The following CTNNA2 variants were observed in gnomAD, a reference collection of about 807,000 sequenced individuals.
The protein encoded by CTNNA2 is catenin alpha 2.
In CTNNA2, 42 loss-of-function variants were observed where a neutral mutation model predicts 101.0. The ratio of observed to expected loss-of-function variants is 0.42; its 90% confidence interval spans 0.32 to 0.54. The LOEUF (loss-of-function observed/expected upper bound fraction) is 0.54. Among genes scored for constraint, CTNNA2 ranks in the 20% least tolerant of loss-of-function variants. The probability of loss-of-function intolerance (pLI) is 0.14; values close to 1 mark genes in which losing one functional copy is unlikely to be tolerated. For missense variants in CTNNA2, 871 were observed against 1,223.1 expected (o/e 0.71, Z 4.29); for synonymous variants, 450 against 456.4 (o/e 0.99, Z 0.18).
At chr2:79,996,413 C>T (rs191320613) in intron 7 of CTNNA2, among the ~76,000 whole-genome samples, 1 of 152,200 alleles carries the variant, frequency 6.6e-6, no homozygotes, top group Non-Finnish European at 1.5e-5. Context: ...GATTTGAGAT[C>T]CATGAGAAGT....
intron 16 of CTNNA2, chr2:80,605,209 A>G: frequency 6.6e-6 from 1 of 151,954 alleles, no homozygotes; most frequent in East Asian, 1.9e-4. Flanking sequence ...TTGAATTGGA[A>G]CTTTAAAATC....
intron 2 of CTNNA2, among the ~76,000 whole-genome samples, chr2:79,274,154 CATGTAATTTTAG>C (rs1266134179): frequency 6.6e-6 from 1 of 151,942 alleles, no homozygotes; most frequent in Non-Finnish European, 1.5e-5. Context: ...TCTGATATTT[CATGTAATTTTAG>C]ATGTGTAAGA....
intron 15 of CTNNA2, among the ~76,000 whole-genome samples, chr2:80,590,185 AAAG>A (rs1265853452): frequency 6.6e-6 from 1 of 152,158 alleles, no homozygotes; most frequent in Non-Finnish European, 1.5e-5. Context: ...CTCTTCTTTA[AAAG>A]AAGATGATAT....
chr2:79,801,583 C>CA (rs561235902), intron 3 of CTNNA2, among the ~76,000 whole-genome samples: 10 of 151,736 alleles, frequency 6.6e-5, no homozygotes, highest in African/African-American at 2.4e-4. Context: ...GCAGTGCATA[C>CA]GGGGGCTCAC....
chr2:80,203,112 C>G (rs1358885784), intron 7 of CTNNA2, among the ~76,000 whole-genome samples: 1 of 152,174 alleles, frequency 6.6e-6, no homozygotes, highest in Non-Finnish European at 1.5e-5. Flanking sequence ...CATCTCCCAC[C>G]TGGTCCCTCC....
rs1169037145 is a variant in CTNNA2, at chr2:79,712,823, A to G, written c.103-31564A>G. The stretch of plus-strand genomic sequence containing the variant: ...ACCATACTTGTTTTTGAAATTTGAA[A>G]GAATTTGTGGATGCAGTCTTAAGGA... On this transcript the variant is annotated intron_variant, in intron 2 of 18. Coordinates refer to ENST00000402739, the MANE Select transcript of CTNNA2 (RefSeq NM_001282597.3). 2.0e-5 allele frequency among the ~76,000 whole-genome samples: 3 copies of G among 152,230 alleles called. No individual in the cohort carries two copies. In the East Asian group the frequency reaches 5.8e-4, roughly 29 times the overall value.
chr2:80,013,349 ACT>A (rs1693916731), intron 7 of CTNNA2, among the ~76,000 whole-genome samples: 2 of 152,084 alleles, frequency 1.3e-5, no homozygotes, highest in Admixed American at 1.3e-4. Flanking sequence ...GGAATATAAC[ACT>A]CTTTCCTGAG....
chr2:80,454,131 G>A (rs1465548470), intron 9 of CTNNA2, among the ~76,000 whole-genome samples: 1 of 152,120 alleles, frequency 6.6e-6, no homozygotes, highest in Admixed American at 6.5e-5. Context: ...AAGGCAAAGC[G>A]ACATAGTTTA....
In CTNNA2 at chr2:79,238,507, G is replaced by A. The variant is rs551009067; in HGVS notation, c.-406+40431G>A. 2.2e-4 allele frequency among the ~76,000 whole-genome samples: 34 copies of A among 152,328 alleles called. 1 individual carries two copies. The South Asian group carries it at 3.5e-3, about 16-fold the overall frequency. On this transcript the variant is annotated intron_variant, in intron 2 of 21. Transcript: ENST00000466387. ...CTCTTGGGAAAAAATGGCACCAATAGACTTGCTTGATTCAGGATTGCCATA... is the reference window on the plus strand; with the variant it reads ...CTCTTGGGAAAAAATGGCACCAATAAACTTGCTTGATTCAGGATTGCCATA...
At chr2:79,655,868 T>C (rs961451944) in intron 2 of CTNNA2, among the ~76,000 whole-genome samples, 7 of 151,986 alleles carry the variant, frequency 4.6e-5, no homozygotes, top group Admixed American at 3.9e-4. Flanking sequence ...TACCTTTTAG[T>C]CCAGTTATCT....
chr2:80,443,699 C>T (rs150977632), intron 9 of CTNNA2, among the ~76,000 whole-genome samples: 1 of 152,296 alleles, frequency 6.6e-6, no homozygotes, highest in Non-Finnish European at 1.5e-5. Flanking sequence ...TTTTTCTCAT[C>T]TGTATAAAAG....
chr2:80,306,416 CTT>C (rs1439379550), intron 7 of CTNNA2, among the ~76,000 whole-genome samples: 2 of 136,946 alleles, frequency 1.5e-5, no homozygotes, highest in Non-Finnish European at 3.1e-5. Context: ...TTCTTTCTTT[CTT>C]TCTTTCTTTC....
At chr2:79,278,400 G>T (rs11888732) in intron 2 of CTNNA2, among the ~76,000 whole-genome samples, 1 of 151,750 alleles carries the variant, frequency 6.6e-6, no homozygotes, top group Admixed American at 6.6e-5. Flanking sequence ...TTGGTAATAG[G>T]GAAAGGTATT....
intron 2 of CTNNA2, among the ~76,000 whole-genome samples, chr2:79,246,659 C>A (rs1191277811): frequency 6.6e-6 from 1 of 152,172 alleles, no homozygotes; most frequent in East Asian, 1.9e-4. Context: ...GTGGTTCAGG[C>A]AGGTTTACAT....
At chr2:79,672,112 T>C (rs1682880045) in intron 2 of CTNNA2, among the ~76,000 whole-genome samples, 1 of 152,194 alleles carries the variant, frequency 6.6e-6, no homozygotes. Context: ...AAAAAGTTCT[T>C]TTAAAAATAT....
At chr2:80,352,529 A>G (rs1260826073) in intron 7 of CTNNA2, among the ~76,000 whole-genome samples, 1 of 152,174 alleles carries the variant, frequency 6.6e-6, no homozygotes, top group Non-Finnish European at 1.5e-5. Context: ...TTGTACTTTT[A>G]GGTAAATGTT....
intron 7 of CTNNA2, among the ~76,000 whole-genome samples, chr2:80,067,456 A>G (rs1331766822): frequency 6.6e-6 from 1 of 152,148 alleles, no homozygotes; most frequent in Non-Finnish European, 1.5e-5. Context: ...ACCAAAAATC[A>G]TATCTGGAAA....
At chr2:80,504,293 TG>T (rs1688101587) in intron 9 of CTNNA2, among the ~76,000 whole-genome samples, 1 of 152,180 alleles carries the variant, frequency 6.6e-6, no homozygotes, top group Admixed American at 6.5e-5. Context: ...CCTTGCCACA[TG>T]GTTCTCTCCA....
chr2:79,916,632 T>G (rs1413198857), intron 7 of CTNNA2, among the ~76,000 whole-genome samples: 2 of 139,486 alleles, frequency 1.4e-5, no homozygotes, highest in Non-Finnish European at 3.1e-5. Flanking sequence ...TGGAGTACAG[T>G]GGTGCAGTGG....
Sources: gnomAD v4.1 joint callset for allele counts (sites outside exome capture counted in the v4.1 genomes callset) on GRCh38, gnomAD v4.1.1 for gene constraint, MANE v1.5 for transcripts, NCBI Gene and HGNC (gene_info 2026-07-23, HGNC 2026-07-21) for gene names.